Variants in MARCHF1 observed in about 807,000 individuals in gnomAD.
MARCHF1 encodes the protein E3 ubiquitin-protein ligase MARCHF1.
A neutral mutation model predicts 54.2 loss-of-function variants in MARCHF1; 40 were observed. The ratio of observed to expected loss-of-function variants is 0.74; its 90% confidence interval spans 0.57 to 0.96. The LOEUF is 0.96. Ranked by LOEUF, MARCHF1 falls within the 40% of genes least tolerant of loss-of-function variation. The pLI is 0.00. For missense variants in MARCHF1, 586 were observed against 656.5 expected, an observed-to-expected ratio of 0.89 and a Z score of 1.17; for synonymous variants, 236 against 236.3, an observed-to-expected ratio of 1.00 and a Z score of 0.01.
At chr4:163,823,470 C>A (rs1748756633) in intron 4 of MARCHF1, among the ~76,000 whole-genome samples, 1 of 151,580 alleles carries the variant, frequency 6.6e-6, no homozygotes, top group African/African-American at 2.4e-5. Flanking sequence ...TGAATTTTAT[C>A]TAATGAAAGA....
At chr4:163,832,213 C>T (rs1213127269) in intron 4 of MARCHF1, among the ~76,000 whole-genome samples, 1 of 152,100 alleles carries the variant, frequency 6.6e-6, no homozygotes, top group Non-Finnish European at 1.5e-5. Context: ...AATTGTGATG[C>T]CCTCTATGGA....
At chr4:163,545,947 ATGTGTGTGTGTG>A (rs70948653) in intron 8 of MARCHF1, among the ~76,000 whole-genome samples, 10 of 148,932 alleles carry the variant, frequency 6.7e-5, no homozygotes, top group African/African-American at 1.2e-4. Flanking sequence ...TTAAATACAT[ATGTGTGTGTGTG>A]TGTGTGTGTG....
chr4:164,271,021 A>G (rs1733733461), intron 1 of MARCHF1, among the ~76,000 whole-genome samples: 1 of 152,186 alleles, frequency 6.6e-6, no homozygotes, highest in Non-Finnish European at 1.5e-5. Context: ...AAAATAGACT[A>G]GTGGAATAAA....
chr4:163,668,096 T>C (rs1051352535), intron 5 of MARCHF1, among the ~76,000 whole-genome samples: 6 of 152,204 alleles, frequency 3.9e-5, no homozygotes, highest in Non-Finnish European at 2.9e-5. Flanking sequence ...ATGCTGTTTA[T>C]TTGACATCAA....
chr4:163,550,308 AAAG>A (rs1252388993), intron 8 of MARCHF1, among the ~76,000 whole-genome samples: 1 of 151,846 alleles, frequency 6.6e-6, no homozygotes, highest in Admixed American at 6.6e-5. Flanking sequence ...AAAGAAAAGA[AAAG>A]AAAAGAAAAA....
intron 4 of MARCHF1, among the ~76,000 whole-genome samples, chr4:163,709,052 A>T (rs1745029961): frequency 6.6e-6 from 1 of 152,182 alleles, no homozygotes. Context: ...TAGATTATGT[A>T]TAGAGAGTAA....
intron 3 of MARCHF1, among the ~76,000 whole-genome samples, chr4:163,892,774 G>T (rs1221014501): frequency 6.6e-6 from 1 of 151,966 alleles, no homozygotes; most frequent in African/African-American, 2.4e-5. Flanking sequence ...AGGGTCTGAA[G>T]GTTCATCTGA....
chr4:164,048,275 C>CA (rs1309943573), intron 2 of MARCHF1, among the ~76,000 whole-genome samples: 19 of 151,960 alleles, frequency 1.3e-4, no homozygotes, highest in Non-Finnish European at 2.1e-4. Context: ...GTTTAGAAAA[C>CA]AAAGTGTAGC....
At chr4:164,088,691 A>T (rs1755239804) in intron 2 of MARCHF1, among the ~76,000 whole-genome samples, 1 of 152,188 alleles carries the variant, frequency 6.6e-6, no homozygotes, top group Admixed American at 6.5e-5. Context: ...GTGAGCCCAG[A>T]TCGCACCACT....
chr4:163,951,521 C>A (rs957517056), intron 3 of MARCHF1, among the ~76,000 whole-genome samples: 4 of 152,132 alleles, frequency 2.6e-5, no homozygotes, highest in African/African-American at 9.7e-5. Flanking sequence ...GAGAAAAGGT[C>A]TGAATGATTG....
chr4:163,581,183 T>C (rs1740219489), intron 8 of MARCHF1, among the ~76,000 whole-genome samples: 1 of 152,234 alleles, frequency 6.6e-6, no homozygotes, highest in Non-Finnish European at 1.5e-5. Flanking sequence ...GCACATGCTT[T>C]AGAATCAGGG....
At position 164,340,405 on chromosome 4, in the gene MARCHF1, T is replaced by TTTTATA. The variant is rs1327005165; in HGVS notation, c.-323+43464_-323+43465insTATAAA. On this transcript the variant is annotated intron_variant, in intron 1 of 9. Coordinates refer to ENST00000514618, the MANE Select transcript of MARCHF1 (RefSeq NM_001394959.1). Reference sequence around the variant, plus strand: ...ACAGCACATGCCACCAGGCCTTGATTTATATATAGATATATATATATATAT... The same window carrying TTTTATA: ...ACAGCACATGCCACCAGGCCTTGATTTTTATATATATATAGATATATATATATATAT... Among the ~76,000 whole-genome samples, 370 of 95,542 alleles carry TTTTATA rather than the reference T, an allele frequency of 3.9e-3. 37 individuals are homozygous for TTTTATA. The highest frequency in any genetic ancestry group is 9.2e-3 in the East Asian group (23 of 2,512). 62.7% of individuals were successfully genotyped at this position (95,542 alleles called of 152,430 possible).
chr4:163,885,340 G>C (rs1029520105), intron 3 of MARCHF1, among the ~76,000 whole-genome samples: 1 of 152,080 alleles, frequency 6.6e-6, no homozygotes, highest in African/African-American at 2.4e-5. Context: ...AATTAACCCT[G>C]TATCATTTGT....
chr4:164,224,933 A>G (rs1454442990), intron 1 of MARCHF1, among the ~76,000 whole-genome samples: 1 of 152,084 alleles, frequency 6.6e-6, no homozygotes. Flanking sequence ...GATTTTTAAA[A>G]CATTAATTTT....
intron 2 of MARCHF1, among the ~76,000 whole-genome samples, chr4:164,027,413 C>A (rs1312301448): frequency 1.2e-5 from 1 of 81,324 alleles, no homozygotes; most frequent in Non-Finnish European, 2.8e-5. Context: ...ATAAATGGAT[C>A]TATATCCACA....
At chr4:164,382,349 T>G (rs1731393854) in intron 1 of MARCHF1, among the ~76,000 whole-genome samples, 1 of 152,224 alleles carries the variant, frequency 6.6e-6, no homozygotes, top group Non-Finnish European at 1.5e-5. Context: ...AATTAGCCTC[T>G]TTCAAGAAAA....
At chr4:163,559,205 C>A (rs1739390409) in intron 8 of MARCHF1, among the ~76,000 whole-genome samples, 1 of 152,042 alleles carries the variant, frequency 6.6e-6, no homozygotes, top group Non-Finnish European at 1.5e-5. Context: ...ACATAGAAAA[C>A]TAAAACGGAA....
chr4:163,874,048 T>C (rs1750236922), intron 3 of MARCHF1, among the ~76,000 whole-genome samples: 1 of 152,180 alleles, frequency 6.6e-6, no homozygotes, highest in Non-Finnish European at 1.5e-5. Context: ...CCTCTAAGTC[T>C]AAGATATTGG....
intron 1 of MARCHF1, among the ~76,000 whole-genome samples, chr4:164,143,514 T>A (rs1456516799): frequency 6.6e-6 from 1 of 150,828 alleles, no homozygotes; most frequent in Non-Finnish European, 1.5e-5. Flanking sequence ...TGGGGGCCAA[T>A]ATTCAACATT....
Sources: gnomAD v4.1 joint callset for allele counts (sites outside exome capture counted in the v4.1 genomes callset) on GRCh38, gnomAD v4.1.1 for gene constraint, MANE v1.5 for transcripts, NCBI Gene and HGNC (gene_info 2026-07-23, HGNC 2026-07-21) for gene names.